The following RARB variants were observed in gnomAD, a reference collection of about 807,000 sequenced individuals.
The protein encoded by RARB is retinoic acid receptor beta, also known as HBV-activated protein.
In RARB, 17 loss-of-function variants were observed where a neutral mutation model predicts 51.9. The ratio of observed to expected loss-of-function variants is 0.33; its 90% confidence interval spans 0.22 to 0.49. The LOEUF is 0.49. RARB is among the 20% of genes least tolerant of loss of function. RARB has a pLI of 0.99. For synonymous variants in RARB, 215 were observed against 195.4 expected, an observed-to-expected ratio of 1.10 and a Z score of -0.84; for missense variants, 369 against 550.8, an observed-to-expected ratio of 0.67 and a Z score of 3.30.
intron 2 of RARB, among the ~76,000 whole-genome samples, chr3:25,033,568 G>A (rs1281721674): frequency 6.6e-6 from 1 of 152,148 alleles, no homozygotes; most frequent in Non-Finnish European, 1.5e-5. Context: ...CATCTGCCAG[G>A]AGACATGCCG....
chr3:25,263,814 C>T (rs1171115869), intron 5 of RARB, among the ~76,000 whole-genome samples: 1 of 152,140 alleles, frequency 6.6e-6, no homozygotes, highest in Non-Finnish European at 1.5e-5. Context: ...ACAGCATCTG[C>T]CTTTGATGCT....
At chr3:25,138,636 A>G (rs1416551079) in intron 4 of RARB, among the ~76,000 whole-genome samples, 1 of 152,136 alleles carries the variant, frequency 6.6e-6, no homozygotes, top group Non-Finnish European at 1.5e-5. Context: ...GATTATGTTT[A>G]TTACAGTTAT....
chr3:24,965,660 G>C (rs1444843463), intron 2 of RARB, among the ~76,000 whole-genome samples: 1 of 152,060 alleles, frequency 6.6e-6, no homozygotes, highest in Non-Finnish European at 1.5e-5. Context: ...TTTAGTATCT[G>C]TCTCACACAG....
intron 2 of RARB, among the ~76,000 whole-genome samples, chr3:24,993,750 A>T (rs760135765): frequency 6.6e-6 from 1 of 152,080 alleles, no homozygotes; most frequent in Non-Finnish European, 1.5e-5. Flanking sequence ...GCCTGAGAAC[A>T]TGTGGTATTT....
chr3:24,938,984 G>GTTA (rs1559403944), intron 2 of RARB, among the ~76,000 whole-genome samples: 2 of 149,428 alleles, frequency 1.3e-5, no homozygotes, highest in Non-Finnish European at 3.0e-5. Context: ...TTAGTTTTTT[G>GTTA]TTGTTGTTTT....
In RARB at chr3:25,202,522, A is replaced by G. The variant is rs146991792; in HGVS notation, c.178+27947A>G. Among the ~76,000 whole-genome samples, 559 of 152,022 alleles carry G rather than the reference A, an allele frequency of 3.7e-3. 3 individuals carry two copies. Among genetic ancestry groups the G allele is most frequent in the African/African-American group, 0.013 (536 of 41,486 alleles). ...TTGCTTCTCAGTTCTTTTAATTGTGATGTTAGGGTGTCAATTTTAGATCTT... is the reference window on the plus strand; with the variant it reads ...TTGCTTCTCAGTTCTTTTAATTGTGGTGTTAGGGTGTCAATTTTAGATCTT... On this transcript the variant is annotated intron_variant, in intron 5 of 11. Coordinates refer to the RARB transcript ENST00000383772.
intron 1 of RARB, among the ~76,000 whole-genome samples, chr3:24,833,897 C>T (rs1178250196): frequency 6.6e-6 from 1 of 152,208 alleles, no homozygotes; most frequent in Non-Finnish European, 1.5e-5. Flanking sequence ...CATATCTCAC[C>T]TTTGTTCACC....
At chr3:25,164,975 C>G (rs1036871005) in intron 4 of RARB, among the ~76,000 whole-genome samples, 1 of 152,128 alleles carries the variant, frequency 6.6e-6, no homozygotes. Flanking sequence ...CAGCCATGGT[C>G]TGTGATCACA....
intron 5 of RARB, among the ~76,000 whole-genome samples, chr3:25,342,436 G>T (rs1400736261): frequency 1.3e-5 from 2 of 152,170 alleles, no homozygotes; most frequent in East Asian, 3.9e-4. Context: ...CAGCCATTCA[G>T]TCTCACTTTC....
At chr3:25,443,900 C>T (rs113402714) in intron 1 of RARB, among the ~76,000 whole-genome samples, 6,995 of 152,126 alleles carry the variant, frequency 0.046, 273 homozygotes, top group Admixed American at 0.12. Flanking sequence ...CACTGCACTC[C>T]AGCCTAGACA....
At chr3:24,892,188 G>T (rs1703394889) in intron 2 of RARB, among the ~76,000 whole-genome samples, 1 of 150,234 alleles carries the variant, frequency 6.7e-6, no homozygotes, top group South Asian at 2.1e-4. Flanking sequence ...AAGTAGAAAG[G>T]CCATTTTCTA....
intron 3 of RARB, among the ~76,000 whole-genome samples, chr3:25,545,323 C>G (rs368054572): frequency 6.6e-6 from 1 of 152,116 alleles, no homozygotes; most frequent in South Asian, 2.1e-4. Flanking sequence ...CTCTACTGAA[C>G]CACAAGGAAG....
At chr3:25,413,158 T>C (rs1707611696) in intron 5 of RARB, among the ~76,000 whole-genome samples, 1 of 152,228 alleles carries the variant, frequency 6.6e-6, no homozygotes, top group Admixed American at 6.5e-5. Context: ...AGGTAACCAG[T>C]ATCCTAACTT....
At chr3:25,157,053 A>C (rs887619865) in intron 4 of RARB, among the ~76,000 whole-genome samples, 3 of 152,244 alleles carry the variant, frequency 2.0e-5, no homozygotes, top group African/African-American at 7.2e-5. Flanking sequence ...TTTTAAGTCA[A>C]GAAATTTGAC....
intron 1 of RARB, among the ~76,000 whole-genome samples, chr3:25,444,984 C>T (rs919061378): frequency 3.9e-5 from 6 of 152,048 alleles, no homozygotes; most frequent in Non-Finnish European, 8.8e-5. Context: ...GAATCTTGCT[C>T]TGTCGCCCAG....
At chr3:25,540,865 G>A (rs1415545333) in intron 3 of RARB, among the ~76,000 whole-genome samples, 3 of 146,924 alleles carry the variant, frequency 2.0e-5, no homozygotes, top group Non-Finnish European at 4.5e-5. Context: ...GGCTCATTCA[G>A]GTCATGGTGG....
At chr3:24,921,364 A>G (rs1238627033) in intron 2 of RARB, among the ~76,000 whole-genome samples, 2 of 152,198 alleles carry the variant, frequency 1.3e-5, no homozygotes, top group African/African-American at 4.8e-5. Context: ...AGTGACTAGA[A>G]GAAAGCACTA....
In RARB at chr3:25,158,872, T is replaced by G. The variant is rs76312315; in HGVS notation, c.-279-15247T>G. Among the ~76,000 whole-genome samples the G allele has an allele frequency of 2.2e-3, 342 of 152,244 alleles. 1 individual carries two copies. The highest frequency in any genetic ancestry group is 8.1e-3 in the African/African-American group (337 of 41,544). ...TTTCTAGGTCCTCAGAGTTCTGTAT[T>G]GAACCCTCTGCATTCAGTCAGCAAT... On this transcript the variant is annotated intron_variant, in intron 4 of 11. Coordinates refer to the RARB transcript ENST00000383772.
chr3:24,941,806 T>C (rs2125400403), intron 2 of RARB, among the ~76,000 whole-genome samples: 1 of 152,342 alleles, frequency 6.6e-6, no homozygotes, highest in African/African-American at 2.4e-5. Context: ...CATCTCCTCA[T>C]AAAGCTAAGG....
Sources: gnomAD v4.1 joint callset for allele counts (sites outside exome capture counted in the v4.1 genomes callset) on GRCh38, gnomAD v4.1.1 for gene constraint, MANE v1.5 for transcripts, NCBI Gene and HGNC (gene_info 2026-07-23, HGNC 2026-07-21) for gene names.